The following TIAM1 variants were observed in gnomAD, a reference collection of about 807,000 sequenced individuals.
TIAM1 encodes the protein TIAM Rac1 associated GEF 1.
TIAM1 carries 65 observed loss-of-function variants against 163.5 expected under a neutral mutation model. The observed-to-expected ratio is 0.40, with a 90% CI of 0.33 to 0.49. TIAM1 has a LOEUF of 0.49. TIAM1 is among the 20% of genes least tolerant of loss of function. The pLI, the probability that TIAM1 is intolerant of heterozygous loss-of-function variation, is 0.77. For missense variants in TIAM1, 1,789 were observed against 2,044.7 expected (o/e 0.87, Z 2.41); for synonymous variants, 833 against 810.1 (o/e 1.03, Z -0.48).
At chr21:31,495,628 G>A (rs978534417) in intron 1 of TIAM1, among the ~76,000 whole-genome samples, 1 of 152,220 alleles carries the variant, frequency 6.6e-6, no homozygotes, top group Admixed American at 6.5e-5. Flanking sequence ...ACTGCACGAT[G>A]ACATTTCAGT....
At chr21:31,139,756 A>G (rs548673976) in intron 22 of TIAM1, among the ~76,000 whole-genome samples, 1 of 152,340 alleles carries the variant, frequency 6.6e-6, no homozygotes, top group East Asian at 1.9e-4. Context: ...AATGTTATGT[A>G]AAAACAAAAT....
At chr21:31,306,846 G>A (rs1034918570) in intron 2 of TIAM1, among the ~76,000 whole-genome samples, 7 of 152,256 alleles carry the variant, frequency 4.6e-5, no homozygotes, top group Non-Finnish European at 7.4e-5. Flanking sequence ...GTTTTCCAGC[G>A]CCCCGATTGA....
chr21:31,147,300 G>A (rs1444704808), intron 19 of TIAM1, among the ~76,000 whole-genome samples: 1 of 152,068 alleles, frequency 6.6e-6, no homozygotes, highest in Admixed American at 6.6e-5. Context: ...TTTGAATGTT[G>A]ATGAGAAAGT....
At chr21:31,371,628 G>A (rs1448604639) in intron 2 of TIAM1, among the ~76,000 whole-genome samples, 4 of 152,138 alleles carry the variant, frequency 2.6e-5, no homozygotes, top group Non-Finnish European at 4.4e-5. Flanking sequence ...AAGAACTAAG[G>A]GTTGAACCAC....
intron 1 of TIAM1, among the ~76,000 whole-genome samples, chr21:31,550,063 A>G (rs1051495298): frequency 2.6e-5 from 4 of 152,078 alleles, no homozygotes; most frequent in African/African-American, 9.7e-5. Flanking sequence ...GGTGGAGGCT[A>G]CAGTGAGCCG....
intron 2 of TIAM1, among the ~76,000 whole-genome samples, chr21:31,457,728 G>A (rs1252412728): frequency 1.3e-5 from 2 of 152,170 alleles, no homozygotes; most frequent in East Asian, 3.9e-4. Context: ...TAATAATGGT[G>A]GAACCTTGGG....
At chr21:31,452,399 C>G (rs2044897787) in intron 2 of TIAM1, 2 of 267,498 alleles carry the variant, frequency 7.5e-6, no homozygotes, top group East Asian at 9.7e-5. Context: ...AGATCGCACT[C>G]CGGCCTGGGC....
chr21:31,311,155 TTTTG>T (rs1019628163), intron 2 of TIAM1, among the ~76,000 whole-genome samples: 23 of 134,158 alleles, frequency 1.7e-4, no homozygotes, highest in African/African-American at 2.4e-4. Context: ...GAAATGGTTT[TTTTG>T]TTTGTTTGTT....
intron 1 of TIAM1, among the ~76,000 whole-genome samples, chr21:31,469,974 T>A (rs1472767880): frequency 2.0e-5 from 3 of 150,422 alleles, no homozygotes; most frequent in Non-Finnish European, 4.4e-5. Flanking sequence ...AGGCTCCGAG[T>A]GTTACGAGTG....
intron 2 of TIAM1, among the ~76,000 whole-genome samples, chr21:31,338,158 T>C (rs1223540245): frequency 6.6e-6 from 1 of 152,192 alleles, no homozygotes; most frequent in African/African-American, 2.4e-5. Context: ...GCTACGCTGC[T>C]GTGCGTCTGG....
chr21:31,248,829 G>A (rs564908902), intron 5 of TIAM1, among the ~76,000 whole-genome samples: 8 of 152,006 alleles, frequency 5.3e-5, no homozygotes, highest in East Asian at 1.9e-4. Context: ...TCAGCTCTGC[G>A]TCACCAAGAA....
chr21:31,188,149 T>C (rs1033989733), intron 13 of TIAM1, among the ~76,000 whole-genome samples: 10 of 152,136 alleles, frequency 6.6e-5, no homozygotes, highest in Non-Finnish European at 1.5e-4. Context: ...ACATGGTTTT[T>C]TGTTTAGTTT....
At chr21:31,512,330 G>A (rs2047236241) in intron 1 of TIAM1, among the ~76,000 whole-genome samples, 1 of 151,920 alleles carries the variant, frequency 6.6e-6, no homozygotes, top group Non-Finnish European at 1.5e-5. Context: ...AAACTCCTGG[G>A]CTCAAGTCAT....
At chr21:31,529,877 T>C (rs557918069) in intron 1 of TIAM1, among the ~76,000 whole-genome samples, 4 of 152,200 alleles carry the variant, frequency 2.6e-5, no homozygotes, top group Non-Finnish European at 4.4e-5. Flanking sequence ...TCCACCTTGC[T>C]TGGCCTCCTG....
chr21:31,240,989 C>T (rs937602054), intron 6 of TIAM1, among the ~76,000 whole-genome samples: 11 of 152,062 alleles, frequency 7.2e-5, no homozygotes, highest in South Asian at 4.2e-4. Context: ...ATGCTGTTCT[C>T]GTGATAGTAA....
At chr21:31,477,492 T>TTTTTTG (rs2045970117) in intron 1 of TIAM1, among the ~76,000 whole-genome samples, 1 of 133,570 alleles carries the variant, frequency 7.5e-6, no homozygotes, top group African/African-American at 3.1e-5. Context: ...TTTTTTTTTT[T>TTTTTTG]GAGACGGAAT....
In TIAM1 at chr21:31,126,583, A is replaced by T. The variant is rs188162079; in HGVS notation, c.4133+482T>A. On this transcript the variant is annotated intron_variant, in intron 26 of 27. Coordinates refer to ENST00000541036, the MANE Select transcript of TIAM1 (RefSeq NM_001353694.2). ...CTCTGTTTCAATAAATAAATAAATA[A>T]ATATATATATAAATAAAAGCATGAT... 5.0e-3 allele frequency among the ~76,000 whole-genome samples: 754 copies of T among 151,802 alleles called. 3 individuals are homozygous for T. The highest frequency in any genetic ancestry group is 0.016 in the African/African-American group (673 of 41,462).
chr21:31,243,257 T>C, intron 6 of TIAM1, among the ~76,000 whole-genome samples: 1 of 145,500 alleles, frequency 6.9e-6, no homozygotes, highest in Non-Finnish European at 1.5e-5. Context: ...ATTTTATATA[T>C]ATATAAATAT....
chr21:31,367,625 G>A (rs530441438), intron 2 of TIAM1, among the ~76,000 whole-genome samples: 1 of 152,184 alleles, frequency 6.6e-6, no homozygotes, highest in Non-Finnish European at 1.5e-5. Context: ...AATTCTGACA[G>A]GCCTCATGCA....
Sources: gnomAD v4.1 joint callset for allele counts (sites outside exome capture counted in the v4.1 genomes callset) on GRCh38, gnomAD v4.1.1 for gene constraint, MANE v1.5 for transcripts, NCBI Gene and HGNC (gene_info 2026-07-23, HGNC 2026-07-21) for gene names.